The following SETD5 variants were observed in gnomAD, a reference collection of about 807,000 sequenced individuals.
The protein encoded by SETD5 is histone-lysine N-methyltransferase SETD5.
In SETD5, 44 loss-of-function variants were observed where a neutral mutation model predicts 153.3. The observed-to-expected ratio is 0.29, with a 90% CI of 0.23 to 0.37. The LOEUF (loss-of-function observed/expected upper bound fraction) is 0.37. Among genes scored for constraint, SETD5 ranks in the 10% least tolerant of loss-of-function variants. SETD5 has a pLI of 1.00. For synonymous variants in SETD5, 716 were observed against 645.2 expected, an observed-to-expected ratio of 1.11 and a Z score of -1.66; for missense variants, 1,544 against 1,768.0, an observed-to-expected ratio of 0.87 and a Z score of 2.27.
In SETD5 at chr3:9,473,242, C is replaced by T; in HGVS notation, c.3202C>T (p.Leu1068=). The change falls in exon 20 of 23, where the codon CTG becomes TTG. Residue 1068 remains leucine (L), a synonymous_variant. Transcript: ENST00000402198. The stretch of plus-strand genomic sequence containing the variant: ...TTTGTTTTTTCCTTTCTAGGTATCC[C>T]TGCTGGAGTACCGAAAACGGAAACA... ...QNPPQRKKVS[L]LEYRKRKQEA... is the part of the protein sequence containing the mutation. 3.1e-6 allele frequency: 5 copies of T among 1,612,362 alleles called. No individual in the cohort carries two copies. Among genetic ancestry groups the T allele is most frequent in the East Asian group, 2.2e-5 (1 of 44,850 alleles).
rs767095342 is a variant in SETD5, at chr3:9,473,293, G to C, written c.3253G>C (p.Gly1085Arg). 7.4e-6 allele frequency: 12 copies of C among 1,613,994 alleles called. No homozygotes were observed. Among genetic ancestry groups the C allele is most frequent in the Non-Finnish European group, 1.0e-5 (12 of 1,179,876 alleles). The change falls in exon 20 of 23, where the codon GGG (glycine) becomes CGG (arginine). Residue 1085 changes from glycine to arginine, a missense_variant. Gly to Arg is a moderately radical substitution (Grantham distance 125). Coordinates refer to ENST00000402198, the MANE Select transcript of SETD5 (RefSeq NM_001080517.3). ...AGAAGCTAAGGAAAATTCTGCTGGT[G>C]GGGGAGGTGACTCTGCACAGAGCAA... ...KQEAKENSAG[G>R]GGDSAQSKSK...
chr3:9,465,330 A>G (rs1212400883), intron 18 of SETD5, among the ~76,000 whole-genome samples: 1 of 152,212 alleles, frequency 6.6e-6, no homozygotes, highest in African/African-American at 2.4e-5. Context: ...AGCTGTTTCA[A>G]AAAGTAATCT....
intron 17 of SETD5, among the ~76,000 whole-genome samples, chr3:9,463,047 C>T (rs181948537): frequency 6.6e-6 from 1 of 151,908 alleles, no homozygotes; most frequent in Admixed American, 6.6e-5. Context: ...GAGACAGTCT[C>T]CTCCCTCTGT....
At chr3:9,451,615 T>C (rs552684449) in intron 16 of SETD5, among the ~76,000 whole-genome samples, 79 of 152,114 alleles carry the variant, frequency 5.2e-4, no homozygotes, top group Non-Finnish European at 8.2e-4. Context: ...CTGGCTAATA[T>C]TCATATTTTT....
In SETD5 at chr3:9,459,639, C is replaced by T. The variant is rs376470442; in HGVS notation, c.2477-4786C>T. Among the ~76,000 whole-genome samples, 4 of 148,704 alleles carry T rather than the reference C, an allele frequency of 2.7e-5. No homozygotes were observed. The East Asian group carries it at 5.9e-4, about 22-fold the overall frequency. On this transcript the variant is annotated intron_variant, in intron 17 of 22. Coordinates refer to ENST00000402198, the MANE Select transcript of SETD5 (RefSeq NM_001080517.3). ...CAACAACAACAACAAAAAAAAAAAC[C>T]GGGCATAGTGGCAGGCGCCTGTAAT...
chr3:9,411,424 A>G (rs2036556615), intron 1 of SETD5, among the ~76,000 whole-genome samples: 1 of 152,206 alleles, frequency 6.6e-6, no homozygotes, highest in Non-Finnish European at 1.5e-5. Flanking sequence ...TAATTACAGT[A>G]TCTTAAAGTT....
chr3:9,412,978 T>G (rs980501236), intron 1 of SETD5, among the ~76,000 whole-genome samples: 1 of 152,096 alleles, frequency 6.6e-6, no homozygotes, highest in African/African-American at 2.4e-5. Context: ...TTCTCATGCC[T>G]CAGCCTCCCA....
At chr3:9,407,097 G>A (rs905751316) in intron 1 of SETD5, among the ~76,000 whole-genome samples, 6 of 152,214 alleles carry the variant, frequency 3.9e-5, no homozygotes, top group Non-Finnish European at 8.8e-5. Flanking sequence ...TGAGGCCAAG[G>A]CGGGTGGATC....
intron 8 of SETD5, among the ~76,000 whole-genome samples, chr3:9,441,106 G>C (rs2041224953): frequency 6.6e-6 from 1 of 152,096 alleles, no homozygotes; most frequent in Non-Finnish European, 1.5e-5. Context: ...CCAGCTACTG[G>C]GGAGGCTGAG....
At chr3:9,398,129 C>G (rs113350451) in intron 1 of SETD5, among the ~76,000 whole-genome samples, 152 bp downstream of exon 1, 24 of 151,768 alleles carry the variant, frequency 1.6e-4, no homozygotes, top group African/African-American at 4.8e-4. Flanking sequence ...TCTCACCCCC[C>G]TCGCCGCCTT....
chr3:9,446,251 C>T (rs1196552986), intron 13 of SETD5, among the ~76,000 whole-genome samples: 44 of 132,048 alleles, frequency 3.3e-4, no homozygotes, highest in African/African-American at 1.2e-3. Flanking sequence ...AGCGCCACTG[C>T]ACTCCGGCCT....
intron 7 of SETD5, among the ~76,000 whole-genome samples, chr3:9,437,522 C>CGCGTGTGTGTGTGTGTGTGT (rs1553619050): frequency 4.1e-5 from 6 of 145,124 alleles, no homozygotes; most frequent in African/African-American, 1.5e-4. Flanking sequence ...TCCTCCTTTA[C>CGCGTGTGTGTGTGTGTGTGT]GTGTGTGTGT....
rs754325010 is a variant in SETD5, at chr3:9,473,415, C to T, written c.3375C>T (p.Ser1125=). 4 of 1,613,822 alleles carry T rather than the reference C, an allele frequency of 2.5e-6. No homozygotes were observed. The highest frequency in any genetic ancestry group is 2.7e-5 in the African/African-American group (2 of 74,900). The change falls in exon 20 of 23, where the codon TCC becomes TCT. Residue 1125 remains serine (S), a synonymous_variant. Coordinates refer to ENST00000402198, the MANE Select transcript of SETD5 (RefSeq NM_001080517.3). ...VQGSSARTPS[S]PHKKFSPSHS... is the part of the protein sequence containing the mutation. ...GATCCTCAGCCCGAACTCCATCTTC[C>T]CCTCACAAAAAATTCTCCCCATCTC...
intron 3 of SETD5, chr3:9,433,267 A>T (rs1344610697): frequency 4.1e-6 from 3 of 726,656 alleles, no homozygotes; most frequent in Non-Finnish European, 6.0e-6. Flanking sequence ...TCATTGGTGG[A>T]TGAGAAATTA....
intron 16 of SETD5, among the ~76,000 whole-genome samples, chr3:9,449,883 G>A (rs1234492558): frequency 6.6e-6 from 1 of 152,320 alleles, no homozygotes; most frequent in Non-Finnish European, 1.5e-5. Context: ...CCATTTCTAA[G>A]GATGTTAACT....
chr3:9,475,922 G>A lies in SETD5; in HGVS notation c.4160G>A (p.Arg1387Gln), dbSNP rs80044089. Residue 1387 changes from arginine (R) to glutamine (Q), a missense_variant, in exon 23 of 23, where the codon CGG becomes CAG. Physicochemically the swap from Arg to Gln is conservative, Grantham distance 43. Around this residue, in one of 9 missense-constraint regions of SETD5, gnomAD observed 302 missense variants for 277.6 expected, o/e 1.09. Coordinates refer to ENST00000402198, the MANE Select transcript of SETD5 (RefSeq NM_001080517.3). ...NSRSSLPSDL[R>Q]TISLPSAGQS... Reference sequence around the variant, plus strand: ...AGGTCGTCATTGCCATCAGACTTACGGACTATCAGTCTGCCCAGTGCTGGG... The same window carrying A: ...AGGTCGTCATTGCCATCAGACTTACAGACTATCAGTCTGCCCAGTGCTGGG... 27 of 1,613,918 alleles carry A rather than the reference G, an allele frequency of 1.7e-5. No individual in the cohort carries two copies. The East Asian group carries it at 2.9e-4, about 17-fold the overall frequency.
chr3:9,438,005 A>G (rs1171717563), intron 7 of SETD5, among the ~76,000 whole-genome samples: 1 of 151,204 alleles, frequency 6.6e-6, no homozygotes, highest in Non-Finnish European at 1.5e-5. Context: ...TCCATCTCAA[A>G]AAAAAAAAAA....
chr3:9,448,303 G>C, intron 15 of SETD5, 85 bp from the exon 16 acceptor site: 1 of 1,523,944 alleles, frequency 6.6e-7, no homozygotes, highest in African/African-American at 1.4e-5. Flanking sequence ...ATCTCCTCCT[G>C]TCCTAGTTTC....
chr3:9,463,777 A>G (rs1233949393), intron 17 of SETD5, among the ~76,000 whole-genome samples: 2 of 152,240 alleles, frequency 1.3e-5, no homozygotes, highest in African/African-American at 2.4e-5. Flanking sequence ...AGTTGGTGAT[A>G]TAGCAGTTTA....
Sources: allele counts gnomAD v4.1 joint callset (sites outside exome capture counted in the v4.1 genomes callset), GRCh38; gene constraint gnomAD v4.1.1; regional missense constraint gnomAD v4.1.1; transcripts MANE v1.5; gene names NCBI Gene and HGNC (gene_info 2026-07-23, HGNC 2026-07-21).